NENF: variants seen among roughly 807,000 people sequenced by gnomAD.
NENF encodes the protein neudesin neurotrophic factor.
Under a neutral mutation model 14.8 loss-of-function variants are expected in NENF, and 6 were observed. That is an observed-to-expected ratio of 0.40 (90% CI 0.22 to 0.80). The LOEUF is 0.80. Among genes scored for constraint, NENF ranks in the 30% least tolerant of loss-of-function variants. The probability of loss-of-function intolerance (pLI) is 0.34; values close to 1 mark genes in which losing one functional copy is unlikely to be tolerated. For synonymous variants in NENF, 76 were observed against 95.1 expected, an observed-to-expected ratio of 0.80 and a Z score of 1.17; for missense variants, 184 against 212.7, an observed-to-expected ratio of 0.87 and a Z score of 0.84.
rs1444729962 is a variant in NENF at position 212,433,719 on chromosome 1, C to T, written c.177+599C>T. On this transcript the variant is annotated intron_variant, in intron 1 of 3. Transcript: ENST00000366988. The surrounding 1 kb of genome is among the most constrained non-coding windows in gnomAD (Gnocchi z 5.5). Reference sequence around the variant, plus strand: ...ACTGGAGGTTAGAGACCCCCACAACCCCCCCGCCACACGTCAATAGAGACC... The same window carrying T: ...ACTGGAGGTTAGAGACCCCCACAACTCCCCCGCCACACGTCAATAGAGACC... 6.6e-6 allele frequency among the ~76,000 whole-genome samples: 1 copy of T among 151,652 alleles called. No individual in the cohort carries two copies. The highest frequency in any genetic ancestry group is 1.5e-5 in the Non-Finnish European group (1 of 67,868).
intron 1 of NENF, among the ~76,000 whole-genome samples, chr1:212,441,874 G>A (rs1662703803): frequency 6.6e-6 from 1 of 152,186 alleles, no homozygotes; most frequent in Non-Finnish European, 1.5e-5. Context: ...CCTGTAAGAA[G>A]CAAAATATAA....
At chr1:212,442,021 C>CT (rs1402904859) in intron 1 of NENF, among the ~76,000 whole-genome samples, 3 of 151,958 alleles carry the variant, frequency 2.0e-5, no homozygotes, top group Admixed American at 6.6e-5. Context: ...TCCTGATTTT[C>CT]TTTTTTTTGA....
At chr1:212,445,151 AG>A (rs1478016170) in intron 3 of NENF, among the ~76,000 whole-genome samples, 11 of 152,110 alleles carry the variant, frequency 7.2e-5, no homozygotes, top group African/African-American at 2.7e-4. Context: ...GCTACTTGGG[AG>A]GTTGAGGCAG....
At chr1:212,442,720 G>C in intron 2 of NENF, 95 bp downstream of exon 2, 1 of 856,748 alleles carries the variant, frequency 1.2e-6, no homozygotes, top group Middle Eastern at 2.4e-4. Context: ...GGGAACATTA[G>C]GCAAGTCCTT....
chr1:212,433,606 C>G lies in NENF; in HGVS notation c.177+486C>G, dbSNP rs935411092. ...ACTTCCTTTTCCTGCCCCTGTATCC[C>G]AGGCCTCTGCATCGGACTCCTCAAA... On this transcript the variant is annotated intron_variant, in intron 1 of 3. Transcript: ENST00000366988. The surrounding 1 kb of genome is among the most constrained non-coding windows in gnomAD (Gnocchi z 5.5). 3.9e-5 allele frequency among the ~76,000 whole-genome samples: 6 copies of G among 152,014 alleles called. No individual in the cohort carries two copies. The highest frequency in any genetic ancestry group is 3.9e-4 in the Admixed American group (6 of 15,268).
At chr1:212,436,140 G>A (rs1466310597) in intron 1 of NENF, among the ~76,000 whole-genome samples, 1 of 152,068 alleles carries the variant, frequency 6.6e-6, no homozygotes, top group Non-Finnish European at 1.5e-5. Context: ...GTTCAAACCT[G>A]TGTTGTTCAA....
chr1:212,446,096 C>T lies in NENF; in HGVS notation c.*90C>T, dbSNP rs898402568. 2.3e-6 allele frequency: 3 copies of T among 1,282,046 alleles called. No homozygotes were observed. The highest frequency in any genetic ancestry group is 3.4e-6 in the Non-Finnish European group (3 of 894,730). 79.4% of individuals were successfully genotyped at this position (1,282,046 alleles called of 1,614,324 possible). A position where few individuals can be genotyped will look rare whatever the true frequency, so the allele number is the denominator to read the frequency against. The stretch of plus-strand genomic sequence containing the variant: ...CTGCAAAACTGGCTGCCTGGAGGCC[C>T]TGAGCCACCCAGATCTGAATAAAAC... On this transcript the variant is annotated 3_prime_UTR_variant, in exon 4 of 4. Coordinates refer to ENST00000366988, the MANE Select transcript of NENF (RefSeq NM_013349.5).
chr1:212,445,105 A>C (rs1376801642), intron 3 of NENF, among the ~76,000 whole-genome samples: 1 of 152,014 alleles, frequency 6.6e-6, no homozygotes, highest in Non-Finnish European at 1.5e-5. Context: ...AAATACAAAA[A>C]TTAGCTGAGT....
rs1218927992 is a variant in NENF at position 212,439,688 on chromosome 1, C to CAA, written c.178-2856_178-2855dup. Reference sequence around the variant, plus strand: ...GTGAAACCTGTCTCTACTAAATATACAAAAAAAAAAAAAAAAAAAAAATTG... The same window carrying CAA: ...GTGAAACCTGTCTCTACTAAATATACAAAAAAAAAAAAAAAAAAAAAAAATTG... On this transcript the variant is annotated intron_variant, in intron 1 of 3. Coordinates refer to ENST00000366988, the MANE Select transcript of NENF (RefSeq NM_013349.5). 2.6e-3 allele frequency among the ~76,000 whole-genome samples: 161 copies of CAA among 60,882 alleles called. 3 individuals are homozygous for CAA. Among genetic ancestry groups the CAA allele is most frequent in the African/African-American group, 4.2e-3 (62 of 14,762 alleles). The allele number at this position is 60,882 out of a possible 152,430, so 39.9% of individuals were successfully genotyped here. A position where few individuals can be genotyped will look rare whatever the true frequency, so the allele number is the denominator to read the frequency against.
At position 212,445,908 on chromosome 1, in the gene NENF, G is replaced by A. The variant is rs757711408; in HGVS notation, c.421G>A (p.Gly141Ser). ...KVYKAKYPIVGYTARRILNED... is the reference protein window; with the variant it reads ...KVYKAKYPIVSYTARRILNED... ...GTACAAAGCCAAATACCCCATCGTCGGCTACACTGCCCGGAGAATTCTCAA... is the reference window on the plus strand; with the variant it reads ...GTACAAAGCCAAATACCCCATCGTCAGCTACACTGCCCGGAGAATTCTCAA... The change falls in exon 4 of 4, where the codon GGC becomes AGC. Residue 141 changes from glycine (G) to serine (S), a missense_variant. Gly to Ser is a moderately conservative substitution (Grantham distance 56). Coordinates refer to ENST00000366988, the MANE Select transcript of NENF (RefSeq NM_013349.5). 3.0e-5 allele frequency: 48 copies of A among 1,614,120 alleles called. No homozygotes were observed. Among genetic ancestry groups the A allele is most frequent in the South Asian group, 2.1e-4 (19 of 91,076 alleles).
At chr1:212,434,681 G>C (rs1461369454) in intron 1 of NENF, 1 of 152,160 alleles carries the variant, frequency 6.6e-6, no homozygotes, top group Non-Finnish European at 1.5e-5. Flanking sequence ...ACTATATGCT[G>C]GGTTCTTGGA....
Position 212,432,938 on chromosome 1 carries a change from C to A in NENF, c.-6C>A. The A allele has an allele frequency of 2.6e-6, 2 of 774,120 alleles. No individual in the cohort carries two copies. The highest frequency in any genetic ancestry group is 3.2e-6 in the Non-Finnish European group (2 of 616,802). 48.0% of individuals were successfully genotyped at this position (774,120 alleles called of 1,614,324 possible). A position where few individuals can be genotyped will look rare whatever the true frequency, so the allele number is the denominator to read the frequency against. ...GCCCGGCCTTGCCTTGCGCTGCGCG[C>A]TCACCATGGTGGGCCCCGCGCCGCG... On this transcript the variant is annotated 5_prime_UTR_variant, in exon 1 of 4. Coordinates refer to ENST00000366988, the MANE Select transcript of NENF (RefSeq NM_013349.5).
chr1:212,441,587 C>T (rs1662699414), intron 1 of NENF, among the ~76,000 whole-genome samples: 1 of 152,090 alleles, frequency 6.6e-6, no homozygotes, highest in African/African-American at 2.4e-5. Flanking sequence ...GAGTTCGAGA[C>T]CAGCCTGGCC....
In NENF at chr1:212,432,975, G is replaced by C. The variant is rs955006347; in HGVS notation, c.32G>C (p.Arg11Pro). The change falls in exon 1 of 4, where the codon CGG becomes CCG. Residue 11 changes from arginine to proline, a missense_variant. Transcript: ENST00000366988. MVGPAPRRRL[R>P]PLAALALVLA... is the part of the protein sequence containing the mutation. ...GGCCCCGCGCCGCGGCGGCGGCTGC[G>C]GCCGCTGGCAGCGCTGGCCCTGGTC... The C allele has an allele frequency of 9.3e-7, 1 of 1,072,350 alleles. No individual in the cohort carries two copies. Among genetic ancestry groups the C allele is most frequent in the Admixed American group, 4.9e-5 (1 of 20,216 alleles). 66.4% of individuals were successfully genotyped at this position (1,072,350 alleles called of 1,614,324 possible).
rs1662546792 is a variant in NENF at position 212,433,142 on chromosome 1, C to G, written c.177+22C>G. Reference sequence around the variant, plus strand: ...GGAGGTAGGCGGGGGTGTCGCGGGCCGAGGGACCCGGGGTGGCGTCCGATC... The same window carrying G: ...GGAGGTAGGCGGGGGTGTCGCGGGCGGAGGGACCCGGGGTGGCGTCCGATC... On this transcript the variant is annotated intron_variant, in intron 1 of 3. Coordinates refer to ENST00000366988, the MANE Select transcript of NENF (RefSeq NM_013349.5). This position sits in a 1 kb window ranked among gnomAD's most constrained non-coding sequence, Gnocchi z 5.5. The G allele has an allele frequency of 8.6e-7, 1 of 1,167,718 alleles. No homozygotes were observed. Among genetic ancestry groups the G allele is most frequent in the Admixed American group, 4.6e-5 (1 of 21,702 alleles). The allele number at this position is 1,167,718 out of a possible 1,614,324, so 72.3% of individuals were successfully genotyped here.
chr1:212,439,596 C>T (rs1160026590), intron 1 of NENF, among the ~76,000 whole-genome samples: 1 of 147,570 alleles, frequency 6.8e-6, no homozygotes, highest in Non-Finnish European at 1.5e-5. Flanking sequence ...ATAATCCCAA[C>T]ACATTGAGAG....
chr1:212,432,942 C>CG lies in NENF; in HGVS notation c.-2_-1insG. 1 of 820,972 alleles carries CG rather than the reference C, an allele frequency of 1.2e-6. No homozygotes were observed. The allele number at this position is 820,972 out of a possible 1,614,324, so 50.9% of individuals were successfully genotyped here. On this transcript the variant is annotated 5_prime_UTR_variant, in exon 1 of 4. Transcript: ENST00000366988. Reference sequence around the variant, plus strand: ...GGCCTTGCCTTGCGCTGCGCGCTCACCATGGTGGGCCCCGCGCCGCGGCGG... The same window carrying CG: ...GGCCTTGCCTTGCGCTGCGCGCTCACGCATGGTGGGCCCCGCGCCGCGGCGG...
At chr1:212,438,680 T>C (rs1662647095) in intron 1 of NENF, among the ~76,000 whole-genome samples, 1 of 149,826 alleles carries the variant, frequency 6.7e-6, no homozygotes, top group Admixed American at 6.8e-5. Context: ...AGTGCAGTAG[T>C]GTGATCTTGG....
chr1:212,442,688 C>G (rs1462386349), intron 2 of NENF, 63 bp downstream of exon 2: 1 of 1,199,816 alleles, frequency 8.3e-7, no homozygotes, highest in Non-Finnish European at 1.2e-6. Flanking sequence ...GTGAGCAGCA[C>G]TTGGAGGTGT....
Sources: gnomAD v4.1 joint callset for allele counts (sites outside exome capture counted in the v4.1 genomes callset) on GRCh38, gnomAD v4.1.1 for gene constraint, Gnocchi (gnomAD v3.1) non-coding constraint, MANE v1.5 for transcripts, NCBI Gene and HGNC (gene_info 2026-07-23, HGNC 2026-07-21) for gene names.